Variants in ABCC1 observed in about 807,000 individuals in gnomAD.
ABCC1 encodes multidrug resistance-associated protein 1.
Under a neutral mutation model 172.9 loss-of-function variants are expected in ABCC1, and 83 were observed. The observed-to-expected ratio is 0.48, with a 90% CI of 0.40 to 0.58. ABCC1 has a LOEUF of 0.58. Ranked by LOEUF, ABCC1 falls within the 20% of genes least tolerant of loss-of-function variation. The pLI is 0.00. For missense variants in ABCC1, 1,817 were observed against 2,002.7 expected (o/e 0.91, Z 1.77); for synonymous variants, 937 against 825.2 (o/e 1.14, Z -2.32).
At chr16:15,979,807 G>A (rs1189316870) in intron 1 of ABCC1, among the ~76,000 whole-genome samples, 1 of 152,048 alleles carries the variant, frequency 6.6e-6, no homozygotes, top group Non-Finnish European at 1.5e-5. Context: ...CTGCTTACTT[G>A]TTTTTATTTA....
At chr16:16,081,420 C>T (rs1256858596) in intron 16 of ABCC1, among the ~76,000 whole-genome samples, 1 of 152,226 alleles carries the variant, frequency 6.6e-6, no homozygotes, top group Non-Finnish European at 1.5e-5. Flanking sequence ...CAGCTTTCTG[C>T]TATCCTGGCA....
In ABCC1 at chr16:16,093,324, C is replaced by A. The variant is rs138648826; in HGVS notation, c.2644+2736C>A. ...CGTGAGGTCTGTCTCTCTACCCTTC[C>A]GTCCAGGTGAGCAAAAAATGTCCTT... On this transcript the variant is annotated intron_variant, in intron 19 of 30. Coordinates refer to ENST00000399410, the MANE Select transcript of ABCC1 (RefSeq NM_004996.4). Among the ~76,000 whole-genome samples, 8 of 152,136 alleles carry A rather than the reference C, an allele frequency of 5.3e-5. No homozygotes were observed. The South Asian group carries it at 1.5e-3, about 28-fold the overall frequency.
At position 16,033,097 on chromosome 16, in the gene ABCC1, T is replaced by G. The variant is rs372049662; in HGVS notation, c.616-12T>G. ...CCCTCTTCCTCCCAAACCTGTGCTT[T>G]CTTTCCACTAGAATCCCTGCCCAGA... is the stretch of plus-strand genomic sequence containing the variant. On this transcript the variant is annotated splice_polypyrimidine_tract_variant and intron_variant, in intron 5 of 30. Transcript: ENST00000399410. 3.1e-6 allele frequency: 5 copies of G among 1,613,772 alleles called. No homozygotes were observed. In the African/African-American group the frequency reaches 6.7e-5, roughly 22 times the overall value.
intron 1 of ABCC1, among the ~76,000 whole-genome samples, chr16:15,973,769 A>C (rs1207946875): frequency 6.6e-6 from 1 of 151,844 alleles, no homozygotes; most frequent in Non-Finnish European, 1.5e-5. Flanking sequence ...TGAGCCCAGG[A>C]GTTTGAAACC....
chr16:16,033,244 C>T (rs2151832248), intron 6 of ABCC1, 74 bp downstream of exon 6: 1 of 1,420,290 alleles, frequency 7.0e-7, no homozygotes, highest in East Asian at 2.3e-5. Context: ...AATGAACATG[C>T]TCAGCTCCCC....
At chr16:16,072,561 C>T (rs974950601) in intron 14 of ABCC1, among the ~76,000 whole-genome samples, 1 of 148,044 alleles carries the variant, frequency 6.8e-6, no homozygotes, top group African/African-American at 2.5e-5. Context: ...TGGTCTTGAG[C>T]TCCTGGGCTC....
chr16:16,091,404 CAAA>C (rs10648689), intron 19 of ABCC1, among the ~76,000 whole-genome samples: 1 of 108,676 alleles, frequency 9.2e-6, no homozygotes. Context: ...CCCAACTCTA[CAAA>C]AAAAAAAAAA....
At chr16:15,951,935 C>T (rs1239681143) in intron 1 of ABCC1, among the ~76,000 whole-genome samples, 1 of 152,210 alleles carries the variant, frequency 6.6e-6, no homozygotes, top group African/African-American at 2.4e-5. Context: ...AGCGATCCTC[C>T]TGCCTTGGCC....
intron 1 of ABCC1, among the ~76,000 whole-genome samples, chr16:15,999,980 G>A (rs1283257084): frequency 6.7e-6 from 1 of 149,202 alleles, no homozygotes; most frequent in African/African-American, 2.4e-5. Context: ...TCAGCCTCCC[G>A]AGTAGCTGGG....
In ABCC1 at chr16:16,115,010, CCTG is replaced by C. The variant is rs758459991; in HGVS notation, c.3328_3330del (p.Leu1110del). On this transcript the variant is annotated inframe_deletion, in exon 23 of 31. Transcript: ENST00000399410. ...ACGTCATTGGTGCCTGCATCGTTATCCTGCTGGCCACGCCCATCGCCGCCATCA... is the reference window on the plus strand; with the variant it reads ...ACGTCATTGGTGCCTGCATCGTTATCCTGGCCACGCCCATCGCCGCCATCA... 6.2e-7 allele frequency: 1 copy of C among 1,614,208 alleles called. No homozygotes were observed. The highest frequency in any genetic ancestry group is 8.5e-7 in the Non-Finnish European group (1 of 1,180,032).
intron 1 of ABCC1, among the ~76,000 whole-genome samples, chr16:16,002,500 C>T (rs1238941317): frequency 3.9e-5 from 6 of 152,222 alleles, no homozygotes; most frequent in South Asian, 4.2e-4. Flanking sequence ...AGGCTGTGTG[C>T]GGTGGTTCAC....
rs2046123025 is a variant in ABCC1 at position 16,141,444 on chromosome 16, G to A, written c.*163G>A. On this transcript the variant is annotated 3_prime_UTR_variant, in exon 31 of 31. Coordinates refer to ENST00000399410, the MANE Select transcript of ABCC1 (RefSeq NM_004996.4). Reference sequence around the variant, plus strand: ...TTCAAAGCAGCAGCCACCGCCATCCGGTCCCCTGCCTGGAACTGGCTGTGA... The same window carrying A: ...TTCAAAGCAGCAGCCACCGCCATCCAGTCCCCTGCCTGGAACTGGCTGTGA... 5 of 635,954 alleles carry A rather than the reference G, an allele frequency of 7.9e-6. No homozygotes were observed. Among genetic ancestry groups the A allele is most frequent in the South Asian group, 3.9e-5 (2 of 51,372 alleles). The allele number at this position is 635,954 out of a possible 1,614,324, so 39.4% of individuals were successfully genotyped here. A position where few individuals can be genotyped will look rare whatever the true frequency, so the allele number is the denominator to read the frequency against.
chr16:16,081,956 T>C (rs1403543929), intron 16 of ABCC1, among the ~76,000 whole-genome samples: 1 of 152,164 alleles, frequency 6.6e-6, no homozygotes, highest in Non-Finnish European at 1.5e-5. Context: ...AGGCAGAGAC[T>C]GCAGTGAGCT....
intron 5 of ABCC1, among the ~76,000 whole-genome samples, chr16:16,024,634 G>T (rs2048310186): frequency 2.0e-5 from 3 of 152,184 alleles, no homozygotes; most frequent in Admixed American, 2.0e-4. Flanking sequence ...TTACAGGGAT[G>T]GGTGAACCAC....
rs544621189 is a variant in ABCC1, at chr16:16,038,183, T to TGATG, written c.809+1599_809+1602dup. 2.2e-4 allele frequency among the ~76,000 whole-genome samples: 33 copies of TGATG among 151,700 alleles called. No homozygotes were observed. In the East Asian group the frequency reaches 4.7e-3, roughly 21 times the overall value. ...GATAGATAGATGGATGATTGATAGA[T>TGATG]GATGGATGGATGGATGGATGGAGGA... is the stretch of plus-strand genomic sequence containing the variant. On this transcript the variant is annotated intron_variant, in intron 7 of 30. Transcript: ENST00000399410.
chr16:16,112,068 G>C (rs2052411087), intron 22 of ABCC1, among the ~76,000 whole-genome samples: 1 of 152,170 alleles, frequency 6.6e-6, no homozygotes, highest in South Asian at 2.1e-4. Context: ...AAACCCTGCT[G>C]TTGGCCAGGC....
intron 1 of ABCC1, among the ~76,000 whole-genome samples, chr16:15,969,528 A>G (rs1427495002): frequency 6.6e-6 from 1 of 151,810 alleles, no homozygotes; most frequent in Non-Finnish European, 1.5e-5. Flanking sequence ...ATGTGCCACC[A>G]CGCCCGGCTA....
chr16:16,024,031 C>T (rs2048285556), intron 5 of ABCC1, among the ~76,000 whole-genome samples: 1 of 152,008 alleles, frequency 6.6e-6, no homozygotes, highest in African/African-American at 2.4e-5. Flanking sequence ...CCAGCCTGGC[C>T]AACGTGGTAA....
chr16:16,017,094 G>C (rs1336258306), intron 5 of ABCC1, among the ~76,000 whole-genome samples: 5 of 152,160 alleles, frequency 3.3e-5, no homozygotes, highest in African/African-American at 9.7e-5. Flanking sequence ...TGAGGGATTT[G>C]AGTGTGAGAT....
Sources: allele counts gnomAD v4.1 joint callset (sites outside exome capture counted in the v4.1 genomes callset), GRCh38; gene constraint gnomAD v4.1.1; transcripts MANE v1.5; gene names NCBI Gene and HGNC (gene_info 2026-07-23, HGNC 2026-07-21).